The following MAMDC2 variants were observed in gnomAD, a reference collection of about 807,000 sequenced individuals.
MAMDC2 encodes MAM domain-containing protein 2.
A neutral mutation model predicts 89.8 loss-of-function variants in MAMDC2; 57 were observed. The ratio of observed to expected loss-of-function variants is 0.63; its 90% CI spans 0.51 to 0.79. The LOEUF (loss-of-function observed/expected upper bound fraction) is 0.79. Among genes scored for constraint, MAMDC2 ranks in the 30% least tolerant of loss-of-function variants. MAMDC2 has a pLI of 0.00. For missense variants in MAMDC2, 800 were observed against 820.6 expected (o/e 0.97, Z 0.31); for synonymous variants, 313 against 293.4 (o/e 1.07, Z -0.68).
chr9:70,124,091 G>T (rs2030415049), intron 5 of MAMDC2, among the ~76,000 whole-genome samples: 1 of 152,184 alleles, frequency 6.6e-6, no homozygotes, highest in African/African-American at 2.4e-5. Context: ...ATGGGGCTGG[G>T]TGCCGGGCAT....
At chr9:70,083,031 C>T (rs1191310193) in intron 2 of MAMDC2, 1 of 152,098 alleles carries the variant, frequency 6.6e-6, no homozygotes, top group East Asian at 1.9e-4. Context: ...TGTAAAATTT[C>T]AAAGCATGTT....
chr9:70,092,775 T>C (rs1316320618), intron 2 of MAMDC2: 1 of 152,164 alleles, frequency 6.6e-6, no homozygotes. Context: ...GAGAAAAAAA[T>C]GTTTTATATT....
intron 9 of MAMDC2, 86 bp downstream of exon 9, chr9:70,143,905 A>T (rs1195740829): frequency 6.7e-7 from 1 of 1,498,160 alleles, no homozygotes; most frequent in Non-Finnish European, 9.1e-7. Flanking sequence ...TCAACTGGTG[A>T]TGTATTATTT....
chr9:70,115,613 C>G (rs964846628), intron 5 of MAMDC2, among the ~76,000 whole-genome samples: 2 of 152,176 alleles, frequency 1.3e-5, no homozygotes, highest in African/African-American at 4.8e-5. Context: ...GCCTCGGCCT[C>G]CCAAAGTGCT....
chr9:70,089,914 A>C (rs1383347262), intron 2 of MAMDC2, among the ~76,000 whole-genome samples: 1 of 152,122 alleles, frequency 6.6e-6, no homozygotes, highest in African/African-American at 2.4e-5. Context: ...TTTTTAACCT[A>C]AATATGTCTT....
At chr9:70,134,334 T>C (rs1217853586) in intron 7 of MAMDC2, among the ~76,000 whole-genome samples, 6 of 114,536 alleles carry the variant, frequency 5.2e-5, no homozygotes, top group Admixed American at 1.2e-4. Flanking sequence ...CATCCCCCAC[T>C]TCCTTCTCCA....
intron 9 of MAMDC2, among the ~76,000 whole-genome samples, chr9:70,147,618 G>A (rs1383986986): frequency 4.0e-5 from 6 of 149,306 alleles, no homozygotes; most frequent in East Asian, 1.9e-4. Context: ...AATCTCCCCC[G>A]ACCCCGCATT....
At chr9:70,096,364 G>T (rs1828027189) in intron 2 of MAMDC2, among the ~76,000 whole-genome samples, 1 of 152,166 alleles carries the variant, frequency 6.6e-6, no homozygotes, top group African/African-American at 2.4e-5. Flanking sequence ...TAACTAAGAT[G>T]AATTCTTCAC....
intron 11 of MAMDC2, among the ~76,000 whole-genome samples, chr9:70,187,195 A>G (rs904851458): frequency 2.0e-5 from 3 of 152,024 alleles, no homozygotes; most frequent in Admixed American, 6.6e-5. Flanking sequence ...TGTCTCTCCT[A>G]TCTTTCTGAG....
chr9:70,141,177 C>G (rs58190254), intron 8 of MAMDC2, among the ~76,000 whole-genome samples: 1 of 152,144 alleles, frequency 6.6e-6, no homozygotes, highest in Admixed American at 6.6e-5. Context: ...GTATTCTTTT[C>G]TTAGAGGTTG....
At chr9:70,178,524 C>A (rs561841730) in intron 11 of MAMDC2, among the ~76,000 whole-genome samples, 1 of 152,274 alleles carries the variant, frequency 6.6e-6, no homozygotes, top group African/African-American at 2.4e-5. Flanking sequence ...CAAACCATGG[C>A]AGTTACCCAT....
At chr9:70,191,998 C>T (rs528405340) in intron 11 of MAMDC2, among the ~76,000 whole-genome samples, 7 of 152,228 alleles carry the variant, frequency 4.6e-5, no homozygotes, top group South Asian at 4.1e-4. Flanking sequence ...CCCTGAAATT[C>T]GGTTATTGCC....
intron 2 of MAMDC2, chr9:70,081,883 C>G (rs1422257294): frequency 6.6e-6 from 1 of 152,110 alleles, no homozygotes; most frequent in Non-Finnish European, 1.5e-5. Context: ...CCATTACTTC[C>G]TCCTGGGAAT....
chr9:70,064,575 G>T (rs986183653), intron 2 of MAMDC2, among the ~76,000 whole-genome samples: 4 of 152,288 alleles, frequency 2.6e-5, no homozygotes, highest in Middle Eastern at 3.4e-3. Flanking sequence ...GGGTGTGTGT[G>T]TGAGTCTGTG....
intron 12 of MAMDC2, 131 bp downstream of exon 12, chr9:70,218,727 G>C: frequency 9.7e-7 from 1 of 1,026,148 alleles, no homozygotes; most frequent in Non-Finnish European, 1.4e-6. Context: ...GATTAAGAGG[G>C]AGTAAACATA....
At chr9:70,060,433 A>G (rs4543602) in intron 2 of MAMDC2, 76,537 of 152,080 alleles carry the variant, frequency 0.5, 21,923 homozygotes, top group Non-Finnish European at 0.63. Flanking sequence ...TCAGGGATGT[A>G]TCTAGGCAGA....
At chr9:70,131,039 C>A (rs1470849398) in intron 6 of MAMDC2, among the ~76,000 whole-genome samples, 2 of 152,156 alleles carry the variant, frequency 1.3e-5, no homozygotes, top group East Asian at 3.8e-4. Flanking sequence ...AAATGTATTT[C>A]TTACAGTCCT....
chr9:70,086,557 A>G (rs191447171), intron 2 of MAMDC2: 1 of 152,254 alleles, frequency 6.6e-6, no homozygotes, highest in African/African-American at 2.4e-5. Flanking sequence ...ACTATTTGGA[A>G]TCATCCACAT....
intron 11 of MAMDC2, among the ~76,000 whole-genome samples, chr9:70,211,765 AC>A (rs947061860): frequency 6.6e-6 from 1 of 152,052 alleles, no homozygotes. Context: ...GGTTTTATCT[AC>A]CTTTGGTCTT....
Sources: gnomAD v4.1 joint callset for allele counts (sites outside exome capture counted in the v4.1 genomes callset) on GRCh38, gnomAD v4.1.1 for gene constraint, MANE v1.5 for transcripts, NCBI Gene and HGNC (gene_info 2026-07-23, HGNC 2026-07-21) for gene names.